Variants in CNTNAP2 observed in about 807,000 individuals in gnomAD.
CNTNAP2 encodes the protein contactin associated protein 2.
A neutral mutation model predicts 155.2 loss-of-function variants in CNTNAP2; 98 were observed. That is an observed-to-expected ratio of 0.63 (90% CI 0.54 to 0.75). The LOEUF (loss-of-function observed/expected upper bound fraction) is 0.75. Ranked by LOEUF, CNTNAP2 falls within the 30% of genes least tolerant of loss-of-function variation. The pLI is 0.00. For synonymous variants in CNTNAP2, 651 were observed against 631.2 expected (o/e 1.03, Z -0.47); for missense variants, 1,727 against 1,688.1 (o/e 1.02, Z -0.40).
intron 1 of CNTNAP2, among the ~76,000 whole-genome samples, chr7:146,520,592 G>A (rs750269588): frequency 1.5e-4 from 22 of 151,506 alleles, no homozygotes; most frequent in Non-Finnish European, 2.1e-4. Context: ...TTCCTAGGTC[G>A]TCTTTTTACA....
At chr7:147,798,204 T>A (rs1245113503) in intron 13 of CNTNAP2, among the ~76,000 whole-genome samples, 1 of 152,112 alleles carries the variant, frequency 6.6e-6, no homozygotes, top group Non-Finnish European at 1.5e-5. Context: ...CTTGAGTAGG[T>A]TTGGCAAAAG....
intron 13 of CNTNAP2, among the ~76,000 whole-genome samples, chr7:147,689,308 C>T (rs1050292463): frequency 6.6e-6 from 1 of 151,928 alleles, no homozygotes; most frequent in Non-Finnish European, 1.5e-5. Flanking sequence ...CACCACCAAG[C>T]CCAGTTAATT....
intron 13 of CNTNAP2, among the ~76,000 whole-genome samples, chr7:147,686,854 T>A (rs933935460): frequency 1.3e-5 from 2 of 148,818 alleles, no homozygotes; most frequent in Non-Finnish European, 3.0e-5. Flanking sequence ...AGAGGGATAG[T>A]GTAAAAAAAA....
chr7:147,170,130 C>T (rs532392025), intron 8 of CNTNAP2, among the ~76,000 whole-genome samples: 1 of 152,090 alleles, frequency 6.6e-6, no homozygotes, highest in African/African-American at 2.4e-5. Context: ...CATTTCTGGA[C>T]ATTTTCAGAA....
chr7:146,341,617 A>G (rs1794730806), intron 1 of CNTNAP2, among the ~76,000 whole-genome samples: 2 of 152,208 alleles, frequency 1.3e-5, no homozygotes, highest in Non-Finnish European at 2.9e-5. Flanking sequence ...CTAGAAAAAC[A>G]GGATTTTAAT....
chr7:148,060,578 T>G (rs1585103601), intron 15 of CNTNAP2, among the ~76,000 whole-genome samples: 1 of 152,236 alleles, frequency 6.6e-6, no homozygotes, highest in South Asian at 2.1e-4. Flanking sequence ...TTCATTTGGA[T>G]GTATCAACAT....
At chr7:146,657,926 A>T (rs1800022224) in intron 1 of CNTNAP2, among the ~76,000 whole-genome samples, 1 of 152,180 alleles carries the variant, frequency 6.6e-6, no homozygotes, top group Non-Finnish European at 1.5e-5. Flanking sequence ...TCATTAAAAA[A>T]ACCAATAATG....
chr7:147,902,776 G>A (rs977326757), intron 13 of CNTNAP2, among the ~76,000 whole-genome samples: 163 of 134,922 alleles, frequency 1.2e-3, no homozygotes, highest in African/African-American at 3.9e-3. Context: ...CATCATATAT[G>A]TTTGTGTGTG....
chr7:148,263,902 G>T (rs1299410066), intron 20 of CNTNAP2, among the ~76,000 whole-genome samples: 4 of 146,972 alleles, frequency 2.7e-5, no homozygotes, highest in Non-Finnish European at 6.1e-5. Flanking sequence ...TAAAATGGCT[G>T]CCAAAAAGCC....
chr7:147,554,027 G>T (rs1401983910), intron 11 of CNTNAP2, among the ~76,000 whole-genome samples: 1 of 152,148 alleles, frequency 6.6e-6, no homozygotes. Flanking sequence ...CTCAGGAGAT[G>T]CAGCAACATA....
chr7:147,981,817 G>GTGTGTGTGTGTGTGTGTGTGT (rs758963411), intron 15 of CNTNAP2, among the ~76,000 whole-genome samples: 2 of 138,920 alleles, frequency 1.4e-5, no homozygotes, highest in African/African-American at 5.2e-5. Flanking sequence ...GTGTGTGTGT[G>GTGTGTGTGTGTGTGTGTGTGT]GTTTTTTTTT....
At chr7:147,828,689 TCTTCATAAATGTTCA>T (rs531657832) in intron 13 of CNTNAP2, among the ~76,000 whole-genome samples, 73 of 152,328 alleles carry the variant, frequency 4.8e-4, no homozygotes, top group African/African-American at 1.7e-3. Context: ...AGCATCTCTT[TCTTCATAAATGTTCA>T]CTGATACTCC....
intron 15 of CNTNAP2, among the ~76,000 whole-genome samples, chr7:148,066,700 G>A (rs572535977): frequency 3.0e-4 from 45 of 151,934 alleles, no homozygotes; most frequent in Middle Eastern, 3.4e-3. Flanking sequence ...GGGTTTCACC[G>A]TGTTAGCCAG....
chr7:146,677,297 T>C (rs1800417559), intron 1 of CNTNAP2, among the ~76,000 whole-genome samples: 1 of 152,196 alleles, frequency 6.6e-6, no homozygotes, highest in Non-Finnish European at 1.5e-5. Flanking sequence ...CTGGAATGCA[T>C]AGAAAGGAAT....
chr7:147,131,806 C>A (rs1563087802), intron 7 of CNTNAP2, among the ~76,000 whole-genome samples: 1 of 151,868 alleles, frequency 6.6e-6, no homozygotes, highest in African/African-American at 2.4e-5. Context: ...CCACTGAGAC[C>A]AGAGTAATAT....
chr7:147,437,040 G>T (rs1239780089), intron 10 of CNTNAP2, among the ~76,000 whole-genome samples: 1 of 152,002 alleles, frequency 6.6e-6, no homozygotes, highest in African/African-American at 2.4e-5. Context: ...CCTGTATAAA[G>T]TTTAGTCCAG....
chr7:147,690,582 C>T (rs1175953834), intron 13 of CNTNAP2, among the ~76,000 whole-genome samples: 1 of 147,422 alleles, frequency 6.8e-6, no homozygotes, highest in Non-Finnish European at 1.5e-5. Context: ...AATAATTAAT[C>T]TTAATATATC....
chr7:146,267,003 G>T (rs1800004501), intron 1 of CNTNAP2, among the ~76,000 whole-genome samples: 1 of 151,616 alleles, frequency 6.6e-6, no homozygotes, highest in African/African-American at 2.4e-5. Flanking sequence ...ACAGCAGATA[G>T]GTATTTCAAT....
At chr7:146,648,551 T>G (rs344481) in intron 1 of CNTNAP2, among the ~76,000 whole-genome samples, 5,592 of 152,192 alleles carry the variant, frequency 0.037, 360 homozygotes, top group African/African-American at 0.13. Flanking sequence ...TATAAATGTA[T>G]GAAGATTTTG....
Sources: gnomAD v4.1 joint callset for allele counts (sites outside exome capture counted in the v4.1 genomes callset) on GRCh38, gnomAD v4.1.1 for gene constraint, MANE v1.5 for transcripts, NCBI Gene and HGNC (gene_info 2026-07-23, HGNC 2026-07-21) for gene names.